The following SCRIB variants were observed in gnomAD, a reference collection of about 807,000 sequenced individuals.
SCRIB encodes the protein protein scribble homolog.
Under a neutral mutation model 170.0 loss-of-function variants are expected in SCRIB, and 72 were observed. The ratio of observed to expected loss-of-function variants is 0.42; its 90% confidence interval spans 0.35 to 0.52. The LOEUF is 0.52. Ranked by LOEUF, SCRIB falls within the 20% of genes least tolerant of loss-of-function variation. The pLI, the probability that SCRIB is intolerant of heterozygous loss-of-function variation, is 0.02. For synonymous variants in SCRIB, 1,298 were observed against 1,044.3 expected (o/e 1.24, Z -4.68); for missense variants, 2,475 against 2,338.5 (o/e 1.06, Z -1.20).
At chr8:143,815,192 G>A (rs1242161000) in intron 1 of SCRIB, 22 bp downstream of exon 1, 1 of 1,549,062 alleles carries the variant, frequency 6.5e-7, no homozygotes, top group Non-Finnish European at 8.7e-7. Flanking sequence ...CCTTTGGGCG[G>A]CAGGTGCGGG....
intron 24 of SCRIB, 86 bp from the exon 25 acceptor site, chr8:143,795,616 G>T (rs1459627935): frequency 1.7e-6 from 2 of 1,150,122 alleles, no homozygotes; most frequent in East Asian, 2.6e-5. Flanking sequence ...GCCCAGAATA[G>T]TCAGCAACGG....
rs745434810 is a variant in SCRIB, at chr8:143,811,357, G to C, written c.907-12C>G. On this transcript the variant is annotated splice_polypyrimidine_tract_variant and intron_variant, in intron 9 of 36. Coordinates refer to ENST00000356994, the MANE Select transcript of SCRIB (RefSeq NM_182706.5). ...GAGCGGGGCAGGGCCTGGCCAAGAAGAGGAGGTCAGAGGACGCTAGGGGCT... is the reference window on the plus strand; with the variant it reads ...GAGCGGGGCAGGGCCTGGCCAAGAACAGGAGGTCAGAGGACGCTAGGGGCT... 6.2e-7 allele frequency: 1 copy of C among 1,607,950 alleles called. No homozygotes were observed. Among genetic ancestry groups the C allele is most frequent in the Non-Finnish European group, 8.5e-7 (1 of 1,176,280 alleles).
chr8:143,799,993 A>G (rs782295063), intron 24 of SCRIB, among the ~76,000 whole-genome samples: 1 of 151,738 alleles, frequency 6.6e-6, no homozygotes, highest in Non-Finnish European at 1.5e-5. Flanking sequence ...CAGTGGCCTG[A>G]GTTTCAGAAA....
intron 27 of SCRIB, among the ~76,000 whole-genome samples, chr8:143,794,723 C>T (rs936728327): frequency 7.9e-5 from 12 of 152,002 alleles, no homozygotes; most frequent in Admixed American, 3.9e-4. Flanking sequence ...TGCCCCCACT[C>T]GCACCCTCTG....
Position 143,814,101 on chromosome 8 carries a change from C to T in SCRIB, c.177G>A (p.Leu59=), listed in dbSNP as rs532367705. ...CGCTCAGGCCCAGCTTGCGCAAGTT[C>T]AGCAGCCGGAAAAAAGGCTGTGGGC... ...RELPKPFFRL[L]NLRKLGLSDN... Residue 59 remains leucine, a synonymous_variant, in exon 2 of 37, where the codon CTG becomes CTA. Transcript: ENST00000356994. 28 of 1,553,708 alleles carry T rather than the reference C, an allele frequency of 1.8e-5. No homozygotes were observed. The South Asian group carries it at 2.5e-4, about 14-fold the overall frequency.
At chr8:143,804,235 C>A (rs558998152) in intron 21 of SCRIB, 79 bp from the exon 22 acceptor site, 2 of 1,112,360 alleles carry the variant, frequency 1.8e-6, no homozygotes, top group Admixed American at 5.5e-5. Flanking sequence ...AGAGTCCGTC[C>A]CGGTCCTTGG....
chr8:143,795,167 C>T (rs1291240199), intron 26 of SCRIB, 55 bp from the exon 27 acceptor site: 1 of 1,599,630 alleles, frequency 6.3e-7, no homozygotes, highest in East Asian at 2.2e-5. Context: ...CAGCACCCGG[C>T]CAGCACAGGG....
Position 143,793,024 on chromosome 8 carries a change from G to A in SCRIB, c.3969C>T (p.Ala1323=). The change falls in exon 29 of 37, where the codon GCC becomes GCT. Residue 1323 remains alanine, a synonymous_variant. Coordinates refer to ENST00000356994, the MANE Select transcript of SCRIB (RefSeq NM_182706.5). ...LPANVKQAYR[A]FAAVPTSHPP... ...GGTGAGAAGTGGGCACGGCCGCGAA[G>A]GCCCTGTAGGCCTGCTTCACATTGG... 2.0e-6 allele frequency: 3 copies of A among 1,510,006 alleles called. No homozygotes were observed. Among genetic ancestry groups the A allele is most frequent in the Non-Finnish European group, 2.7e-6 (3 of 1,127,376 alleles). The allele number at this position is 1,510,006 out of a possible 1,614,324, so 93.5% of individuals were successfully genotyped here. A position where few individuals can be genotyped will look rare whatever the true frequency, so the allele number is the denominator to read the frequency against.
intron 7 of SCRIB, 26 bp from the exon 8 acceptor site, chr8:143,812,987 G>A (rs368079077): frequency 1.1e-4 from 171 of 1,611,780 alleles, no homozygotes; most frequent in Middle Eastern, 1.6e-4. Context: ...GAGTCAGAGC[G>A]CGGATGGGCA....
chr8:143,802,153 T>G (rs1447833457), intron 24 of SCRIB, among the ~76,000 whole-genome samples: 1 of 152,174 alleles, frequency 6.6e-6, no homozygotes, highest in Non-Finnish European at 1.5e-5. Context: ...CTCAGATAAA[T>G]CCTTCCCCAG....
chr8:143,792,404 GC>G lies in SCRIB; in HGVS notation c.4329del (p.Arg1443SerfsTer64). ...AGGGGTGGGGGGGACGCCGGGCTCT[GC>G]CTGGGGAAGGGACAGGACGTGCTGT... is the stretch of plus-strand genomic sequence containing the variant. ...PPWASPSPTS[R>X]QSPASPPPLG... On this transcript the variant is annotated frameshift_variant and splice_region_variant, in exon 32 of 37. Transcript: ENST00000356994. LOFTEE classifies it high-confidence loss of function. 6.7e-7 allele frequency: 1 copy of G among 1,502,706 alleles called. No homozygotes were observed. The highest frequency in any genetic ancestry group is 8.9e-7 in the Non-Finnish European group (1 of 1,129,458). The allele number at this position is 1,502,706 out of a possible 1,614,324, so 93.1% of individuals were successfully genotyped here.
At chr8:143,806,626 T>C in intron 17 of SCRIB, 142 bp from the exon 18 acceptor site, 2 of 705,992 alleles carry the variant, frequency 2.8e-6, no homozygotes, top group Non-Finnish European at 4.8e-6. Context: ...CTAGCCACTG[T>C]GGGATCCTGA....
At chr8:143,813,283 G>T (rs1815839943) in intron 6 of SCRIB, 28 bp downstream of exon 6, 1 of 1,612,832 alleles carries the variant, frequency 6.2e-7, no homozygotes, top group Non-Finnish European at 8.5e-7. Flanking sequence ...CCGCCCTCCG[G>T]TCTCTGCCCT....
chr8:143,792,360 C>T lies in SCRIB; in HGVS notation c.4374G>A (p.Val1458=), dbSNP rs1814727773. 6.5e-7 allele frequency: 1 copy of T among 1,530,424 alleles called. No individual in the cohort carries two copies. Among genetic ancestry groups the T allele is most frequent in the Admixed American group, 2.0e-5 (1 of 50,138 alleles). 94.8% of individuals were successfully genotyped at this position (1,530,424 alleles called of 1,614,324 possible). A position where few individuals can be genotyped will look rare whatever the true frequency, so the allele number is the denominator to read the frequency against. ...SPPPLGGGAP[V]RTAKAERRHQ... ...GGCGCCGTTCAGCTTTGGCCGTCCGCACCGGGGCGCCACCTCCCAGGGGTG... is the reference window on the plus strand; with the variant it reads ...GGCGCCGTTCAGCTTTGGCCGTCCGTACCGGGGCGCCACCTCCCAGGGGTG... Residue 1458 remains valine, a synonymous_variant, in exon 32 of 37, where the codon GTG becomes GTA. Transcript: ENST00000356994.
intron 28 of SCRIB, 38 bp downstream of exon 28, chr8:143,793,858 TCCAC>T (rs1554633544): frequency 1.2e-6 from 2 of 1,600,416 alleles, no homozygotes; most frequent in Non-Finnish European, 8.5e-7. Flanking sequence ...TGCCCTGCCC[TCCAC>T]CCACCATGGG....
Position 143,806,483 on chromosome 8 carries a change from C to T in SCRIB, c.2270G>A (p.Gly757Asp), listed in dbSNP as rs377011652. ...GSTPYKGDDE[G>D]IFISRVSEEG... ...CTCGGACACCCGAGAGATGAATATG[C>T]CCTAGGGCACAGACACGAGCTTGGC... Residue 757 changes from glycine (G) to aspartate (D), a missense_variant and splice_region_variant, in exon 18 of 37, where the codon GGC becomes GAC. By Grantham distance (94) the Gly-to-Asp change is moderately conservative (BLOSUM62 -1). Coordinates refer to ENST00000356994, the MANE Select transcript of SCRIB (RefSeq NM_182706.5). 9 of 1,591,370 alleles carry T rather than the reference C, an allele frequency of 5.7e-6. No homozygotes were observed. In the African/African-American group the frequency reaches 8.1e-5, roughly 14 times the overall value.
At chr8:143,802,651 C>T (rs556114294) in intron 24 of SCRIB, among the ~76,000 whole-genome samples, 2 of 152,272 alleles carry the variant, frequency 1.3e-5, no homozygotes, top group Non-Finnish European at 2.9e-5. Flanking sequence ...CAGTGAAGAA[C>T]CCCTGGAAAC....
At chr8:143,802,386 G>A (rs1554635140) in intron 24 of SCRIB, among the ~76,000 whole-genome samples, 1 of 152,272 alleles carries the variant, frequency 6.6e-6, no homozygotes. Flanking sequence ...GAACCAATGT[G>A]AGGGGCCGCC....
Position 143,791,451 on chromosome 8 carries a change from G to C in SCRIB, c.4771-11C>G, listed in dbSNP as rs1274480850. 6.2e-7 allele frequency: 1 copy of C among 1,609,778 alleles called. No individual in the cohort carries two copies. Among genetic ancestry groups the C allele is most frequent in the African/African-American group, 1.3e-5 (1 of 74,966 alleles). ...AGCAAAGTCCGGTGACTGTGATGGG[G>C]AGAGTGTTGGTCAGGCCGGTGCCAG... On this transcript the variant is annotated splice_polypyrimidine_tract_variant and intron_variant, in intron 35 of 36. Coordinates refer to ENST00000356994, the MANE Select transcript of SCRIB (RefSeq NM_182706.5).
Sources: gnomAD v4.1 joint callset for allele counts (sites outside exome capture counted in the v4.1 genomes callset) on GRCh38, gnomAD v4.1.1 for gene constraint, MANE v1.5 for transcripts, NCBI Gene and HGNC (gene_info 2026-07-23, HGNC 2026-07-21) for gene names.